Variants in GSTA4 observed in about 807,000 individuals in gnomAD.
GSTA4 encodes glutathione S-transferase A4.
A neutral mutation model predicts 24.4 loss-of-function variants in GSTA4; 15 were observed. That is an observed-to-expected ratio of 0.61 (90% CI 0.41 to 0.95). GSTA4 has a LOEUF of 0.95. Among genes scored for constraint, GSTA4 ranks in the 40% least tolerant of loss-of-function variants. The pLI, the probability that GSTA4 is intolerant of heterozygous loss-of-function variation, is 0.00. For missense variants in GSTA4, 244 were observed against 262.1 expected (o/e 0.93, Z 0.48); for synonymous variants, 92 against 94.2 (o/e 0.98, Z 0.13).
chr6:52,985,484 T>C lies in GSTA4; in HGVS notation c.239A>G (p.Asn80Ser), dbSNP rs765300543. 6.7e-5 allele frequency: 108 copies of C among 1,613,950 alleles called. No individual in the cohort carries two copies. The highest frequency in any genetic ancestry group is 6.1e-4 in the South Asian group (56 of 91,078). Residue 80 changes from asparagine to serine, a missense_variant, in exon 4 of 7, where the codon AAT (asparagine) becomes AGT (serine). Transcript: ENST00000370963. ...CTCCTTGAGGTTCTTGCCAAAGAGATTGTGCTTGTCTGCTATGTAGTGGAG... is the reference window on the plus strand; with the variant it reads ...CTCCTTGAGGTTCTTGCCAAAGAGACTGTGCTTGTCTGCTATGTAGTGGAG... ...SILHYIADKH[N>S]LFGKNLKERT...
intron 3 of GSTA4, among the ~76,000 whole-genome samples, chr6:52,987,081 G>C (rs980679815): frequency 1.3e-5 from 2 of 151,884 alleles, no homozygotes; most frequent in African/African-American, 4.8e-5. Flanking sequence ...GGGGGAGGAA[G>C]AGATTGGAGG....
At chr6:52,991,242 T>C (rs1029608197) in intron 2 of GSTA4, among the ~76,000 whole-genome samples, 1 of 152,210 alleles carries the variant, frequency 6.6e-6, no homozygotes, top group Non-Finnish European at 1.5e-5. Context: ...AGAATCACAG[T>C]TCATAAACAT....
Position 52,994,460 on chromosome 6 carries a change from G to T in GSTA4, c.-18-199C>A, listed in dbSNP as rs181692889. The T allele has an allele frequency of 2.5e-5, 13 of 529,680 alleles. No individual in the cohort carries two copies. In the East Asian group the frequency reaches 3.9e-4, roughly 16 times the overall value. The allele number at this position is 529,680 out of a possible 1,614,324, so 32.8% of individuals were successfully genotyped here. On this transcript the variant is annotated intron_variant, in intron 1 of 6. Transcript: ENST00000370963. ...GAGAAAAAAACCTTGGCTTTTATAT[G>T]ATTTCTATTTATGACTTCTTATCCT...
At chr6:52,980,311 G>GT (rs10658673) in intron 6 of GSTA4, among the ~76,000 whole-genome samples, 6,952 of 147,244 alleles carry the variant, frequency 0.047, 234 homozygotes, top group Non-Finnish European at 0.068. Context: ...ATTTCACTTT[G>GT]TTTTTTTTTT....
chr6:52,994,537 A>C, intron 1 of GSTA4: 1 of 332,692 alleles, frequency 3.0e-6, no homozygotes, highest in Admixed American at 4.4e-5. Context: ...TGCTAGCAGT[A>C]CGGGATTTCA....
chr6:52,985,442 C>A lies in GSTA4; in HGVS notation c.272+9G>T. 6.2e-7 allele frequency: 1 copy of A among 1,611,902 alleles called. No homozygotes were observed. Among genetic ancestry groups the A allele is most frequent in the Non-Finnish European group, 8.5e-7 (1 of 1,179,078 alleles). On this transcript the variant is annotated intron_variant, in intron 4 of 6. Coordinates refer to ENST00000370963, the MANE Select transcript of GSTA4 (RefSeq NM_001512.4). ...GACAAGTGACAACACTCGAGAGGGGCCACAGTACAGGGTTCTCTCCTTGAG... is the reference window on the plus strand; with the variant it reads ...GACAAGTGACAACACTCGAGAGGGGACACAGTACAGGGTTCTCTCCTTGAG...
rs1211451348 is a variant in GSTA4, at chr6:52,978,508, T to G, written c.631A>C (p.Ile211Leu). ...GSKKKPPPDEIYVRTVYNIFR... is the reference protein window; with the variant it reads ...GSKKKPPPDELYVRTVYNIFR... ...ATGTTGTAGACGGTTCTCACATAAA[T>G]TTCATCAGGGGGAGGCTTCTTCTTG... is the stretch of plus-strand genomic sequence containing the variant. Residue 211 changes from isoleucine (I) to leucine (L), a missense_variant, in exon 7 of 7, where the codon ATT becomes CTT. Coordinates refer to ENST00000370963, the MANE Select transcript of GSTA4 (RefSeq NM_001512.4). 1 of 1,613,564 alleles carries G rather than the reference T, an allele frequency of 6.2e-7. No individual in the cohort carries two copies. The highest frequency in any genetic ancestry group is 1.3e-5 in the African/African-American group (1 of 74,910).
At chr6:52,990,801 G>T (rs543958339) in intron 2 of GSTA4, among the ~76,000 whole-genome samples, 8 of 152,238 alleles carry the variant, frequency 5.3e-5, no homozygotes, top group African/African-American at 1.9e-4. Context: ...AGTTGAGCAG[G>T]TTCAGGGGAC....
chr6:52,988,681 G>A (rs1763608851), intron 2 of GSTA4, among the ~76,000 whole-genome samples: 1 of 152,188 alleles, frequency 6.6e-6, no homozygotes, highest in Admixed American at 6.5e-5. Flanking sequence ...AACCAAATTG[G>A]AAGTAGATTT....
intron 4 of GSTA4, among the ~76,000 whole-genome samples, chr6:52,984,915 T>C (rs1247328291): frequency 6.6e-6 from 1 of 152,146 alleles, no homozygotes. Context: ...TTCAACTTTA[T>C]AAAAATAGTG....
chr6:52,978,419 G>A lies in GSTA4; in HGVS notation c.*51C>T, dbSNP rs773209686. 1 of 1,585,316 alleles carries A rather than the reference G, an allele frequency of 6.3e-7. No homozygotes were observed. The highest frequency in any genetic ancestry group is 1.1e-5 in the South Asian group (1 of 89,542). ...TGGGATCCATTAAGACATGACTGTA[G>A]ACAATACCATCTCTAGGAACACACT... On this transcript the variant is annotated 3_prime_UTR_variant, in exon 7 of 7. Coordinates refer to ENST00000370963, the MANE Select transcript of GSTA4 (RefSeq NM_001512.4).
In GSTA4 at chr6:52,978,580, T is replaced by C; in HGVS notation, c.559A>G (p.Lys187Glu). ...AFPFLQEYTV[K>E]LSNIPTIKRF... ...TTAATTGTAGGGATATTACTTAGTT[T>C]CACTGTGTATTCCTGAAAAAGGAAA... Residue 187 changes from lysine (K) to glutamate (E), a missense_variant, in exon 7 of 7, where the codon AAA becomes GAA. Coordinates refer to ENST00000370963, the MANE Select transcript of GSTA4 (RefSeq NM_001512.4). 2 of 1,609,228 alleles carry C rather than the reference T, an allele frequency of 1.2e-6. No homozygotes were observed. The highest frequency in any genetic ancestry group is 1.7e-6 in the Non-Finnish European group (2 of 1,177,470).
At chr6:52,991,101 C>T (rs569491803) in intron 2 of GSTA4, among the ~76,000 whole-genome samples, 10 of 152,358 alleles carry the variant, frequency 6.6e-5, no homozygotes, top group Admixed American at 5.2e-4. Context: ...ACATTTGCAT[C>T]TTTGGAGGTT....
intron 6 of GSTA4, among the ~76,000 whole-genome samples, chr6:52,979,740 C>A (rs1245861026): frequency 6.6e-6 from 1 of 152,210 alleles, no homozygotes; most frequent in Non-Finnish European, 1.5e-5. Flanking sequence ...TAAGCACACA[C>A]ACAAACATAC....
chr6:52,978,963 C>A (rs541388403), intron 6 of GSTA4, among the ~76,000 whole-genome samples: 3 of 152,238 alleles, frequency 2.0e-5, no homozygotes, highest in East Asian at 1.9e-4. Flanking sequence ...TGATTATTTA[C>A]AATCTCTGTC....
intron 3 of GSTA4, among the ~76,000 whole-genome samples, chr6:52,987,126 T>A (rs563800489): frequency 1.3e-5 from 2 of 152,148 alleles, no homozygotes; most frequent in South Asian, 4.2e-4. Context: ...AGAGGAGCTG[T>A]TCACCGGGAT....
chr6:52,987,533 G>T, intron 2 of GSTA4, 125 bp from the exon 3 acceptor site: 1 of 599,044 alleles, frequency 1.7e-6, no homozygotes, highest in Admixed American at 3.1e-5. Context: ...AGTGAAATAA[G>T]CCAGGCACAG....
intron 4 of GSTA4, 23 bp downstream of exon 4, chr6:52,985,428 A>T: frequency 6.2e-7 from 1 of 1,608,308 alleles, no homozygotes; most frequent in Non-Finnish European, 8.5e-7. Flanking sequence ...ACAAGTGACA[A>T]CACTCGAGAG....
chr6:52,994,550 A>G (rs914329063), intron 1 of GSTA4: 9 of 309,252 alleles, frequency 2.9e-5, no homozygotes, highest in African/African-American at 1.9e-4. Flanking sequence ...GGATTTCACA[A>G]ATTCAGAATA....
Sources: gnomAD v4.1 joint callset for allele counts (sites outside exome capture counted in the v4.1 genomes callset) on GRCh38, gnomAD v4.1.1 for gene constraint, MANE v1.5 for transcripts, NCBI Gene and HGNC (gene_info 2026-07-23, HGNC 2026-07-21) for gene names.